Variants in CGGBP1 observed in about 807,000 individuals in gnomAD.
CGGBP1 encodes CGG triplet repeat binding protein 1, also known as CGG triplet repeat-binding protein 1.
In CGGBP1, 4 loss-of-function variants were observed where a neutral mutation model predicts 11.4. The observed-to-expected ratio is 0.35, with a 90% CI of 0.17 to 0.80. The LOEUF is 0.80. Ranked by LOEUF, CGGBP1 falls within the 30% of genes least tolerant of loss-of-function variation. The probability of loss-of-function intolerance (pLI) is 0.52; values close to 1 mark genes in which losing one functional copy is unlikely to be tolerated. For missense variants in CGGBP1, 135 were observed against 202.1 expected (o/e 0.67, Z 2.01); for synonymous variants, 76 against 74.1 (o/e 1.03, Z -0.13).
rs1267626412 is a variant in CGGBP1 at position 88,147,124 on chromosome 3, G to A, written c.-338+2587C>T. 5.3e-5 allele frequency among the ~76,000 whole-genome samples: 8 copies of A among 152,230 alleles called. No individual in the cohort carries two copies. The East Asian group carries it at 5.8e-4, about 11-fold the overall frequency. Reference sequence around the variant, plus strand: ...TATTCATTGGATACCTACCATGTGCGGGCCTCTGTAACAGGCAATGAAAGA... The same window carrying A: ...TATTCATTGGATACCTACCATGTGCAGGCCTCTGTAACAGGCAATGAAAGA... On this transcript the variant is annotated intron_variant, in intron 1 of 3. Coordinates refer to the CGGBP1 transcript ENST00000462901.
intron 2 of CGGBP1, among the ~76,000 whole-genome samples, chr3:88,110,732 T>G (rs1705039346): frequency 6.6e-6 from 1 of 152,098 alleles, no homozygotes; most frequent in Admixed American, 6.6e-5. Flanking sequence ...GTTGACTATT[T>G]ATACAGTCAA....
At chr3:88,086,200 A>G in intron 2 of CGGBP1, 1 of 1,465,540 alleles carries the variant, frequency 6.8e-7, no homozygotes. Context: ...GCAAATTTTT[A>G]AACTCGAGAT....
chr3:88,098,475 T>A (rs1431053817), intron 2 of CGGBP1, among the ~76,000 whole-genome samples: 1 of 152,054 alleles, frequency 6.6e-6, no homozygotes, highest in Non-Finnish European at 1.5e-5. Flanking sequence ...TCCCTAACTC[T>A]TTTTATGAGG....
At position 88,097,927 on chromosome 3, in the gene CGGBP1, A is replaced by G. The variant is rs144125360; in HGVS notation, c.-228-39704T>C. Among the ~76,000 whole-genome samples the G allele has an allele frequency of 7.3e-3, 1,117 of 152,322 alleles. 5 individuals are homozygous for G. The highest frequency in any genetic ancestry group is 0.012 in the Non-Finnish European group (830 of 68,018). On this transcript the variant is annotated intron_variant, in intron 2 of 3. Coordinates refer to the CGGBP1 transcript ENST00000462901. The stretch of plus-strand genomic sequence containing the variant: ...CTAATATCACAATTAAAAGTACTAG[A>G]GAAGCAAGAGCAAACAAATTCAAAA...
At chr3:88,134,676 T>TATA (rs1415728275) in intron 2 of CGGBP1, among the ~76,000 whole-genome samples, 1 of 152,130 alleles carries the variant, frequency 6.6e-6, no homozygotes, top group Non-Finnish European at 1.5e-5. Context: ...ACCATTTCTT[T>TATA]ATAGAGAGTC....
intron 2 of CGGBP1, among the ~76,000 whole-genome samples, chr3:88,081,962 C>A (rs1708099621): frequency 6.6e-6 from 1 of 152,078 alleles, no homozygotes; most frequent in Non-Finnish European, 1.5e-5. Context: ...TAAGACTAAC[C>A]TAATGTGTTT....
chr3:88,100,745 G>T (rs543315208), intron 2 of CGGBP1, among the ~76,000 whole-genome samples: 1 of 152,156 alleles, frequency 6.6e-6, no homozygotes, highest in East Asian at 1.9e-4. Flanking sequence ...TCACTCATAG[G>T]TGGGAATTGA....
chr3:88,126,495 A>C (rs1706105257), intron 2 of CGGBP1, among the ~76,000 whole-genome samples: 1 of 152,014 alleles, frequency 6.6e-6, no homozygotes, highest in Non-Finnish European at 1.5e-5. Context: ...CAGTGGTAAC[A>C]CATCTACTAG....
intron 2 of CGGBP1, among the ~76,000 whole-genome samples, chr3:88,089,191 T>TAAAA (rs11328694): frequency 7.6e-6 from 1 of 131,226 alleles, no homozygotes; most frequent in East Asian, 2.2e-4. Flanking sequence ...GCTTACGTAT[T>TAAAA]AAAAAAAAAA....
rs1706611797 is a variant in CGGBP1 at position 88,058,074 on chromosome 3, G to A, written c.-181C>T. The A allele has an allele frequency of 6.6e-6, 1 of 152,194 alleles. No individual in the cohort carries two copies. Among genetic ancestry groups the A allele is most frequent in the Admixed American group, 6.5e-5 (1 of 15,270 alleles). 9.4% of individuals were successfully genotyped at this position (152,194 alleles called of 1,614,324 possible). ...TACTTAGCAGGGAATGGTCTCCAGA[G>A]CGAAACCAGAGACGCATCAAATCCT... On this transcript the variant is annotated 5_prime_UTR_variant, in exon 2 of 4. Transcript: ENST00000482016.
chr3:88,120,694 T>C (rs1298072117), intron 2 of CGGBP1, among the ~76,000 whole-genome samples: 2 of 152,206 alleles, frequency 1.3e-5, no homozygotes, highest in Non-Finnish European at 2.9e-5. Context: ...ATCCTCTTTA[T>C]GCGTATATTA....
At chr3:88,099,397 C>T (rs1242322270) in intron 2 of CGGBP1, among the ~76,000 whole-genome samples, 5 of 152,182 alleles carry the variant, frequency 3.3e-5, no homozygotes, top group South Asian at 4.1e-4. Context: ...AACGGCCATA[C>T]TGCCCAAGGT....
intron 2 of CGGBP1, among the ~76,000 whole-genome samples, chr3:88,116,977 A>G (rs1487790969): frequency 6.6e-6 from 1 of 152,196 alleles, no homozygotes; most frequent in Admixed American, 6.5e-5. Flanking sequence ...CTGGAAAGAT[A>G]AGACAGTTTA....
In CGGBP1 at chr3:88,055,725, C is replaced by T; in HGVS notation, c.252G>A (p.Arg84=). The change falls in exon 4 of 4, where the codon AGG becomes AGA. Residue 84 remains arginine (R), a synonymous_variant. Coordinates refer to ENST00000482016, the MANE Select transcript of CGGBP1 (RefSeq NM_001008390.2). This position sits in a 1 kb window ranked among gnomAD's most constrained non-coding sequence, Gnocchi z 4.2. ...TGCACTGAAGAGATGCAGTTAGGGG[C>T]CTCTGCTTCTTTCTCACATTCTGCT... The part of the protein sequence containing the change: ...FEEQNVRKKQ[R]PLTASLQCNS... 1.9e-6 allele frequency: 3 copies of T among 1,614,204 alleles called. No individual in the cohort carries two copies. Among genetic ancestry groups the T allele is most frequent in the Non-Finnish European group, 2.5e-6 (3 of 1,180,038 alleles).
chr3:88,104,074 A>G (rs1177792263), intron 2 of CGGBP1, among the ~76,000 whole-genome samples: 5 of 152,050 alleles, frequency 3.3e-5, no homozygotes. Flanking sequence ...CAGTTCGAGA[A>G]AATATATTTC....
intron 2 of CGGBP1, among the ~76,000 whole-genome samples, chr3:88,079,381 A>G (rs1190652612): frequency 6.6e-6 from 1 of 152,124 alleles, no homozygotes; most frequent in Non-Finnish European, 1.5e-5. Context: ...CTAGGAAGAG[A>G]CTATAATAAA....
intron 2 of CGGBP1, among the ~76,000 whole-genome samples, chr3:88,098,097 G>C (rs1471851037): frequency 6.6e-6 from 1 of 151,906 alleles, no homozygotes; most frequent in East Asian, 1.9e-4. Context: ...GACTAATAAA[G>C]AAGAAAAGAG....
At chr3:88,062,051 G>A (rs1397590458), upstream of CGGBP1, among the ~76,000 whole-genome samples, 1 of 152,138 alleles carries the variant, frequency 6.6e-6, no homozygotes, top group African/African-American at 2.4e-5. Flanking sequence ...TTTACCATAA[G>A]GAAAAGTAAA....
At chr3:88,060,716 A>G (rs543369404), upstream of CGGBP1, among the ~76,000 whole-genome samples, 2 of 152,090 alleles carry the variant, frequency 1.3e-5, no homozygotes, top group East Asian at 3.9e-4. Context: ...TAGGAAATAA[A>G]GTTAATGAGA....
Sources: gnomAD v4.1 joint callset for allele counts (sites outside exome capture counted in the v4.1 genomes callset) on GRCh38, gnomAD v4.1.1 for gene constraint, Gnocchi (gnomAD v3.1) non-coding constraint, MANE v1.5 for transcripts, NCBI Gene and HGNC (gene_info 2026-07-23, HGNC 2026-07-21) for gene names.